Variants in ESRRG observed in about 807,000 individuals in gnomAD.
The protein encoded by ESRRG is estrogen related receptor gamma.
A neutral mutation model predicts 44.0 loss-of-function variants in ESRRG; 13 were observed. The ratio of observed to expected loss-of-function variants is 0.30; its 90% CI spans 0.19 to 0.47. The LOEUF is 0.47. Among genes scored for constraint, ESRRG ranks in the 20% least tolerant of loss-of-function variants. The pLI is 1.00. For synonymous variants in ESRRG, 215 were observed against 214.6 expected, an observed-to-expected ratio of 1.00 and a Z score of -0.02; for missense variants, 395 against 580.6, an observed-to-expected ratio of 0.68 and a Z score of 3.29.
In ESRRG at chr1:217,004,697, AG is replaced by A. The variant is rs1236609088; in HGVS notation, c.-105-65025del. On this transcript the variant is annotated intron_variant, in intron 1 of 7. Transcript: ENST00000359162. ...GAAAGAAAACAGATTGTGCTGGTTA[AG>A]AAATTAATCTGTATAACTATATCAA... Among the ~76,000 whole-genome samples, 4 of 152,226 alleles carry A rather than the reference AG, an allele frequency of 2.6e-5. 1 individual carries two copies. Among genetic ancestry groups the A allele is most frequent in the Non-Finnish European group, 5.9e-5 (4 of 68,040 alleles).
At position 216,969,342 on chromosome 1, in the gene ESRRG, T is replaced by G. The variant is rs142679271; in HGVS notation, c.-105-29669A>C. Among the ~76,000 whole-genome samples the G allele has an allele frequency of 9.7e-3, 1,480 of 152,254 alleles. 21 individuals carry two copies. The highest frequency in any genetic ancestry group is 0.034 in the African/African-American group (1,415 of 41,548). ...AATGACTAAACGAATGAATGAATGTTGAAATTTTCTGACCCTTATGGTGTT... is the reference window on the plus strand; with the variant it reads ...AATGACTAAACGAATGAATGAATGTGGAAATTTTCTGACCCTTATGGTGTT... On this transcript the variant is annotated intron_variant, in intron 1 of 7. Coordinates refer to the ESRRG transcript ENST00000359162.
intron 5 of ESRRG, 94 bp from the exon 6 acceptor site, chr1:216,519,515 C>T (rs552815479): frequency 3.9e-5 from 47 of 1,218,084 alleles, no homozygotes; most frequent in South Asian, 1.6e-4. Context: ...TGCATCAGTG[C>T]TCAAAATTAT....
chr1:216,759,246 A>G (rs548476346), intron 2 of ESRRG, among the ~76,000 whole-genome samples: 1 of 152,256 alleles, frequency 6.6e-6, no homozygotes, highest in South Asian at 2.1e-4. Context: ...CTAGCAGCAG[A>G]AGCCTGCCTG....
chr1:217,121,475 A>G (rs2092818924), intron 1 of ESRRG, among the ~76,000 whole-genome samples: 1 of 152,176 alleles, frequency 6.6e-6, no homozygotes, highest in African/African-American at 2.4e-5. Context: ...AGACAGGGTG[A>G]CCAGTTAGGT....
At chr1:217,109,476 A>T (rs1318747562) in intron 1 of ESRRG, among the ~76,000 whole-genome samples, 1 of 152,178 alleles carries the variant, frequency 6.6e-6, no homozygotes, top group Non-Finnish European at 1.5e-5. Flanking sequence ...TTGCCTGCTT[A>T]TGTTCTGGGC....
At chr1:216,999,725 A>G (rs1393315264) in intron 1 of ESRRG, among the ~76,000 whole-genome samples, 1 of 130,534 alleles carries the variant, frequency 7.7e-6, no homozygotes, top group Non-Finnish European at 1.7e-5. Flanking sequence ...GTTTGTGAGA[A>G]GAAATGTATT....
chr1:216,944,286 T>C (rs11572485), intron 1 of ESRRG, among the ~76,000 whole-genome samples: 6 of 152,268 alleles, frequency 3.9e-5, no homozygotes, highest in Admixed American at 2.6e-4. Context: ...AATAAGAGAT[T>C]TCTTCATTAA....
At chr1:216,959,196 T>C (rs1261064718) in intron 1 of ESRRG, among the ~76,000 whole-genome samples, 1 of 152,050 alleles carries the variant, frequency 6.6e-6, no homozygotes, top group Admixed American at 6.6e-5. Context: ...CAACTTTTGC[T>C]CACTACTGAT....
At chr1:216,700,531 TAAAC>T (rs1428677571) in intron 1 of ESRRG, among the ~76,000 whole-genome samples, 1 of 152,080 alleles carries the variant, frequency 6.6e-6, no homozygotes, top group Non-Finnish European at 1.5e-5. Context: ...TGCTCACTCT[TAAAC>T]ATATAAGCTG....
chr1:217,127,609 G>A (rs1558291688), intron 1 of ESRRG, among the ~76,000 whole-genome samples: 1 of 152,134 alleles, frequency 6.6e-6, no homozygotes, highest in Non-Finnish European at 1.5e-5. Flanking sequence ...GTAAGTAACT[G>A]AGAACATGGA....
intron 2 of ESRRG, among the ~76,000 whole-genome samples, chr1:216,932,029 C>T (rs545773670): frequency 9.2e-5 from 14 of 152,082 alleles, no homozygotes; most frequent in African/African-American, 2.9e-4. Context: ...CATGGTGAAA[C>T]GTGGTCTCTA....
At chr1:216,568,875 A>G (rs1266796904) in intron 3 of ESRRG, among the ~76,000 whole-genome samples, 1 of 151,958 alleles carries the variant, frequency 6.6e-6, no homozygotes, top group African/African-American at 2.4e-5. Flanking sequence ...ACCAACATGA[A>G]GAAACCCTGT....
At chr1:216,969,647 G>A (rs1023806197) in intron 1 of ESRRG, among the ~76,000 whole-genome samples, 40 of 152,110 alleles carry the variant, frequency 2.6e-4, no homozygotes, top group Admixed American at 3.3e-4. Flanking sequence ...GTGCAATGGC[G>A]CTATCTCAGC....
intron 1 of ESRRG, among the ~76,000 whole-genome samples, chr1:217,013,339 A>G (rs749992217): frequency 2.6e-5 from 4 of 152,244 alleles, no homozygotes; most frequent in Non-Finnish European, 5.9e-5. Context: ...GGGTGTTTGA[A>G]GACTGCATTA....
intron 3 of ESRRG, among the ~76,000 whole-genome samples, chr1:216,584,923 G>C (rs1224134585): frequency 6.6e-6 from 1 of 152,146 alleles, no homozygotes; most frequent in Non-Finnish European, 1.5e-5. Flanking sequence ...CTAAATGATG[G>C]TAAGTATTAA....
At chr1:217,105,769 A>G (rs185590277) in intron 1 of ESRRG, among the ~76,000 whole-genome samples, 6 of 152,246 alleles carry the variant, frequency 3.9e-5, no homozygotes, top group Admixed American at 3.3e-4. Context: ...CCATTCTAGT[A>G]GCCATCCCTG....
At chr1:216,761,334 T>C (rs1055531186) in intron 2 of ESRRG, among the ~76,000 whole-genome samples, 2 of 152,108 alleles carry the variant, frequency 1.3e-5, no homozygotes, top group African/African-American at 4.8e-5. Context: ...ACAATAAGTG[T>C]ACTGGTCTTC....
intron 2 of ESRRG, among the ~76,000 whole-genome samples, chr1:216,753,405 A>G (rs1470508707): frequency 6.6e-6 from 1 of 152,090 alleles, no homozygotes; most frequent in Non-Finnish European, 1.5e-5. Flanking sequence ...GTTGGAATTT[A>G]TGAGACATGG....
chr1:216,522,694 A>C (rs1055005006), intron 5 of ESRRG, among the ~76,000 whole-genome samples: 12 of 152,184 alleles, frequency 7.9e-5, no homozygotes, highest in Non-Finnish European at 1.3e-4. Flanking sequence ...GCTACGTTGC[A>C]CATACATAAA....
Sources: gnomAD v4.1 joint callset for allele counts (sites outside exome capture counted in the v4.1 genomes callset) on GRCh38, gnomAD v4.1.1 for gene constraint, MANE v1.5 for transcripts, NCBI Gene and HGNC (gene_info 2026-07-23, HGNC 2026-07-21) for gene names.